Variants in TNR observed in about 807,000 individuals in gnomAD.
TNR encodes tenascin R.
In TNR, 45 loss-of-function variants were observed where a neutral mutation model predicts 150.4. The ratio of observed to expected loss-of-function variants is 0.30; its 90% CI spans 0.24 to 0.38. TNR has a LOEUF of 0.38. Among genes scored for constraint, TNR ranks in the 10% least tolerant of loss-of-function variants. The pLI, the probability that TNR is intolerant of heterozygous loss-of-function variation, is 1.00. For missense variants in TNR, 1,544 were observed against 1,759.1 expected (o/e 0.88, Z 2.19); for synonymous variants, 687 against 678.4 (o/e 1.01, Z -0.20).
chr1:175,344,924 T>C (rs1650705575), intron 18 of TNR, among the ~76,000 whole-genome samples: 1 of 151,984 alleles, frequency 6.6e-6, no homozygotes, highest in Non-Finnish European at 1.5e-5. Context: ...CTTGCCAACA[T>C]GGTGAAACCC....
chr1:175,513,545 G>A (rs1659280531), intron 2 of TNR, among the ~76,000 whole-genome samples: 1 of 152,166 alleles, frequency 6.6e-6, no homozygotes, highest in Admixed American at 6.5e-5. Flanking sequence ...TGCTGCGACT[G>A]GGTAGGAAGA....
intron 1 of TNR, among the ~76,000 whole-genome samples, chr1:175,605,704 T>G (rs1663383654): frequency 6.6e-6 from 1 of 152,222 alleles, no homozygotes; most frequent in African/African-American, 2.4e-5. Flanking sequence ...CTTCCTTCTT[T>G]TTAAAGATTA....
chr1:175,368,824 C>G (rs751911111), intron 9 of TNR, among the ~76,000 whole-genome samples: 1 of 152,144 alleles, frequency 6.6e-6, no homozygotes, highest in Non-Finnish European at 1.5e-5. Flanking sequence ...TGGTGTGCAC[C>G]TGTAGTCCCA....
chr1:175,369,102 GTATTCTGTAT>G (rs1436949601), intron 9 of TNR, among the ~76,000 whole-genome samples: 5 of 152,180 alleles, frequency 3.3e-5, no homozygotes, highest in African/African-American at 1.2e-4. Context: ...GATTGGAATG[GTATTCTGTAT>G]TTATATAACA....
At chr1:175,529,222 C>T (rs559992738) in intron 1 of TNR, among the ~76,000 whole-genome samples, 51 of 152,246 alleles carry the variant, frequency 3.3e-4, no homozygotes, top group Middle Eastern at 3.4e-3. Flanking sequence ...GACACTGAGC[C>T]CCAGGGATAT....
At chr1:175,434,695 G>C (rs1277735370) in intron 2 of TNR, among the ~76,000 whole-genome samples, 1 of 152,060 alleles carries the variant, frequency 6.6e-6, no homozygotes, top group Non-Finnish European at 1.5e-5. Flanking sequence ...CTTGATTTAT[G>C]CCCGGGAATA....
intron 2 of TNR, among the ~76,000 whole-genome samples, chr1:175,461,007 G>A (rs1557948110): frequency 1.3e-5 from 2 of 152,220 alleles, no homozygotes; most frequent in Non-Finnish European, 2.9e-5. Flanking sequence ...ACTGATGCAT[G>A]CTTGCATGGC....
chr1:175,635,714 G>T (rs1368728517), intron 1 of TNR, among the ~76,000 whole-genome samples: 1 of 152,028 alleles, frequency 6.6e-6, no homozygotes, highest in African/African-American at 2.4e-5. Flanking sequence ...GTGATGCTAT[G>T]TTCTACCCCT....
rs562007740 is a variant in TNR, at chr1:175,655,022, C to CA, written c.-165+88203dup. On this transcript the variant is annotated intron_variant, in intron 1 of 22. Transcript: ENST00000367674. ...CAGGCGTGAGCCACTGCGCCCAGCC[C>CA]AAAAGGTCCCTTCTATCAAGTGGGT... 9.2e-4 allele frequency among the ~76,000 whole-genome samples: 140 copies of CA among 152,196 alleles called. 1 individual carries two copies. Among genetic ancestry groups the CA allele is most frequent in the Non-Finnish European group, 1.7e-3 (116 of 67,998 alleles).
At chr1:175,396,095 T>C (rs1451103347) in intron 5 of TNR, among the ~76,000 whole-genome samples, 2 of 152,256 alleles carry the variant, frequency 1.3e-5, no homozygotes. Flanking sequence ...TGTTGTCAGC[T>C]GTGGTTTTAA....
In TNR at chr1:175,532,153, G is replaced by C. The variant is rs913997372; in HGVS notation, c.-164-3784C>G. On this transcript the variant is annotated intron_variant, in intron 1 of 22. Coordinates refer to ENST00000367674, the MANE Select transcript of TNR (RefSeq NM_003285.3). ...CTTGAAAGGTTTTGGTTGATGTACT[G>C]CAAATTGCTGGAGATGTTCCAGTAA... Among the ~76,000 whole-genome samples, 3 of 152,330 alleles carry C rather than the reference G, an allele frequency of 2.0e-5. No individual in the cohort carries two copies. The East Asian group carries it at 5.8e-4, about 29-fold the overall frequency.
intron 1 of TNR, among the ~76,000 whole-genome samples, chr1:175,569,268 G>A (rs778372758): frequency 2.0e-5 from 3 of 152,166 alleles, no homozygotes; most frequent in Non-Finnish European, 2.9e-5. Flanking sequence ...CTTCAAGAGC[G>A]CTTCAAGAGT....
chr1:175,449,500 G>A (rs1656210023), intron 2 of TNR, among the ~76,000 whole-genome samples: 1 of 152,136 alleles, frequency 6.6e-6, no homozygotes, highest in Non-Finnish European at 1.5e-5. Context: ...TGGTTCTGCA[G>A]ACCTGTTATG....
At chr1:175,503,816 G>T (rs1256073990) in intron 2 of TNR, among the ~76,000 whole-genome samples, 1 of 152,222 alleles carries the variant, frequency 6.6e-6, no homozygotes, top group African/African-American at 2.4e-5. Flanking sequence ...AGAGGAAGAT[G>T]GGGGAGGCAG....
At chr1:175,576,749 C>T (rs540841963) in intron 1 of TNR, among the ~76,000 whole-genome samples, 9 of 152,286 alleles carry the variant, frequency 5.9e-5, no homozygotes, top group Admixed American at 4.6e-4. Flanking sequence ...TCTGCATAAT[C>T]CTACTTCATT....
At chr1:175,459,871 AAG>A (rs3030939) in intron 2 of TNR, among the ~76,000 whole-genome samples, 19 of 150,732 alleles carry the variant, frequency 1.3e-4, no homozygotes, top group African/African-American at 3.9e-4. Context: ...ATGAAAGAAC[AAG>A]AGAGAGAGAG....
intron 1 of TNR, among the ~76,000 whole-genome samples, chr1:175,667,999 A>T (rs1336128064): frequency 6.6e-6 from 1 of 152,152 alleles, no homozygotes; most frequent in Non-Finnish European, 1.5e-5. Flanking sequence ...AGAAATGCAG[A>T]ATCTCAGGCC....
At chr1:175,537,529 G>A (rs955457419) in intron 1 of TNR, among the ~76,000 whole-genome samples, 4 of 152,146 alleles carry the variant, frequency 2.6e-5, no homozygotes, top group African/African-American at 9.7e-5. Flanking sequence ...CTGACTTGAG[G>A]GACTGACCTG....
chr1:175,608,732 C>A, intron 1 of TNR, among the ~76,000 whole-genome samples: 1 of 152,202 alleles, frequency 6.6e-6, no homozygotes, highest in East Asian at 1.9e-4. Context: ...AAGAGGAAAT[C>A]AAACCCCAAA....
Sources: allele counts gnomAD v4.1 joint callset (sites outside exome capture counted in the v4.1 genomes callset), GRCh38; gene constraint gnomAD v4.1.1; transcripts MANE v1.5; gene names NCBI Gene and HGNC (gene_info 2026-07-23, HGNC 2026-07-21).